TNRC18: variants seen among roughly 807,000 people sequenced by gnomAD.
TNRC18 encodes trinucleotide repeat-containing gene 18 protein.
A neutral mutation model predicts 226.7 loss-of-function variants in TNRC18; 69 were observed. The observed-to-expected ratio is 0.30, with a 90% CI of 0.25 to 0.37. The LOEUF (loss-of-function observed/expected upper bound fraction) is 0.37. Among genes scored for constraint, TNRC18 ranks in the 10% least tolerant of loss-of-function variants. The pLI is 1.00. For missense variants in TNRC18, 4,754 were observed against 4,256.6 expected (o/e 1.12, Z -3.25); for synonymous variants, 2,449 against 1,927.6 (o/e 1.27, Z -7.09).
At chr7:5,420,179 G>C (rs936306572) in intron 2 of TNRC18, 1 of 339,590 alleles carries the variant, frequency 2.9e-6, no homozygotes, top group African/African-American at 2.2e-5. Flanking sequence ...GCGCCCGCCC[G>C]GGTACCGTCC....
At chr7:5,327,374 T>TGTGC (rs1789027143) in intron 19 of TNRC18, among the ~76,000 whole-genome samples, 1 of 22,262 alleles carries the variant, frequency 4.5e-5, no homozygotes, top group Non-Finnish European at 9.1e-5. Flanking sequence ...TGTTTGTGCG[T>TGTGC]GTGTGTGTGT....
At chr7:5,396,717 C>G (rs1780715236) in intron 2 of TNRC18, among the ~76,000 whole-genome samples, 1 of 152,122 alleles carries the variant, frequency 6.6e-6, no homozygotes, top group African/African-American at 2.4e-5. Flanking sequence ...CCTAGAGCTA[C>G]CTCCTTTAAG....
intron 2 of TNRC18, among the ~76,000 whole-genome samples, chr7:5,407,564 T>C (rs1781558744): frequency 6.6e-6 from 1 of 152,234 alleles, no homozygotes. Context: ...TCTGGCTTAA[T>C]TCCAGTCCCT....
At chr7:5,380,573 G>A (rs1302716902) in intron 5 of TNRC18, among the ~76,000 whole-genome samples, 1 of 152,202 alleles carries the variant, frequency 6.6e-6, no homozygotes, top group Non-Finnish European at 1.5e-5. Flanking sequence ...CCCGGCACGG[G>A]GAGAAGCGTG....
chr7:5,421,359 G>T lies in TNRC18; in HGVS notation c.-113C>A. The T allele has an allele frequency of 9.6e-7, 1 of 1,045,284 alleles. No homozygotes were observed. The highest frequency in any genetic ancestry group is 1.2e-6 in the Non-Finnish European group (1 of 825,642). 64.8% of individuals were successfully genotyped at this position (1,045,284 alleles called of 1,614,324 possible). On this transcript the variant is annotated 5_prime_UTR_variant, in exon 2 of 30. Transcript: ENST00000430969. ...AGAGTCCTCGGGCGGCGGGGGCTCC[G>T]CGGCGTGCATGGCGGCGGCCAGCGG...
rs141741190 is a variant in TNRC18 at position 5,404,020 on chromosome 7, T to C, written c.188-9425A>G. ...ACAAGATCCAGAGAGTTCTGTAATA[T>C]CTAAGCCAAAGAATGGGTTAACACT... On this transcript the variant is annotated intron_variant, in intron 2 of 29. Transcript: ENST00000430969. Among the ~76,000 whole-genome samples the C allele has an allele frequency of 5.0e-4, 76 of 152,312 alleles. No individual in the cohort carries two copies. In the Middle Eastern group the frequency reaches 0.01, roughly 20 times the overall value.
chr7:5,401,584 C>G (rs1048096220), intron 2 of TNRC18, among the ~76,000 whole-genome samples: 1 of 152,196 alleles, frequency 6.6e-6, no homozygotes, highest in East Asian at 1.9e-4. Context: ...AGACAGCAAG[C>G]TTTTCTTTGA....
In TNRC18 at chr7:5,332,706, G is replaced by T; in HGVS notation, c.6063C>A (p.Thr2021=). 6.5e-7 allele frequency: 1 copy of T among 1,529,246 alleles called. No homozygotes were observed. The allele number at this position is 1,529,246 out of a possible 1,614,324, so 94.7% of individuals were successfully genotyped here. ...APAPVSTAPA[T]KTSRCAKGGP... is the part of the protein sequence containing the mutation. ...CGCCCTTGGCGCAGCGGCTGGTCTTGGTGGCGGGCGCGGTGCTGACGGGCG... is the reference window on the plus strand; with the variant it reads ...CGCCCTTGGCGCAGCGGCTGGTCTTTGTGGCGGGCGCGGTGCTGACGGGCG... The change falls in exon 19 of 30, where the codon ACC becomes ACA. Residue 2021 remains threonine, a synonymous_variant. Transcript: ENST00000430969.
At chr7:5,390,100 A>G (rs1378380698) in intron 4 of TNRC18, 1 of 370,972 alleles carries the variant, frequency 2.7e-6, no homozygotes, top group Admixed American at 4.6e-5. Flanking sequence ...ACAATGGCTC[A>G]CATCTGTAAT....
rs1786964510 is a variant in TNRC18, at chr7:5,309,486, A to G, written c.8389-118T>C. ...CGGCCTCTAAATCAACCCCTATCCA[A>G]CTGTGGGGAGATGAGGAAGCTCCTT... is the stretch of plus-strand genomic sequence containing the variant. On this transcript the variant is annotated intron_variant, in intron 27 of 29. Transcript: ENST00000430969. The surrounding 1 kb of genome is among the most constrained non-coding windows in gnomAD (Gnocchi z 5.7). 1.2e-6 allele frequency: 1 copy of G among 807,666 alleles called. No individual in the cohort carries two copies. The highest frequency in any genetic ancestry group is 1.9e-6 in the Non-Finnish European group (1 of 516,402). The allele number at this position is 807,666 out of a possible 1,614,324, so 50.0% of individuals were successfully genotyped here.
At position 5,359,334 on chromosome 7, in the gene TNRC18, C is replaced by CTT. The variant is rs1583903961; in HGVS notation, c.4833+62_4833+63dup. On this transcript the variant is annotated intron_variant, in intron 15 of 29. Coordinates refer to ENST00000430969, the MANE Select transcript of TNRC18 (RefSeq NM_001080495.3). ...AGGGCCTGCGAAGGGAGCGTGAACT[C>CTT]TTAACACACCCTCCAGACACCTCCC... 5.7e-6 allele frequency: 9 copies of CTT among 1,575,492 alleles called. No individual in the cohort carries two copies. In the East Asian group the frequency reaches 2.0e-4, roughly 35 times the overall value.
At chr7:5,422,983 C>T (rs1333758532) in intron 1 of TNRC18, 1 of 152,250 alleles carries the variant, frequency 6.6e-6, no homozygotes, top group African/African-American at 2.4e-5. Context: ...GGGTGAAGCC[C>T]CCTGGAACAC....
chr7:5,362,528 C>G, intron 12 of TNRC18, 122 bp downstream of exon 12: 1 of 933,784 alleles, frequency 1.1e-6, no homozygotes, highest in Non-Finnish European at 1.6e-6. Context: ...AGGAGCTGAA[C>G]GTAGCTCAGG....
intron 18 of TNRC18, among the ~76,000 whole-genome samples, chr7:5,343,825 A>G (rs1047126694): frequency 1.3e-5 from 2 of 152,218 alleles, no homozygotes; most frequent in African/African-American, 2.4e-5. Flanking sequence ...GTAATTTTAT[A>G]TGCACTGGGA....
chr7:5,389,112 C>A lies in TNRC18; in HGVS notation c.712G>T (p.Val238Leu). 1.5e-6 allele frequency: 2 copies of A among 1,317,242 alleles called. No homozygotes were observed. Among genetic ancestry groups the A allele is most frequent in the East Asian group, 3.7e-5 (1 of 26,830 alleles). 81.6% of individuals were successfully genotyped at this position (1,317,242 alleles called of 1,614,324 possible). ...CGCGCCTCCTGGGTCAGGTCCACCA[C>A]GCCCCGTGGCCCCGAGGCCTCCTCG... ...RGEEASGPRGVVDLTQEARAE... is the reference protein window; with the variant it reads ...RGEEASGPRGLVDLTQEARAE... Residue 238 changes from valine to leucine, a missense_variant, in exon 5 of 30, where the codon GTG becomes TTG. Coordinates refer to ENST00000430969, the MANE Select transcript of TNRC18 (RefSeq NM_001080495.3).
In TNRC18 at chr7:5,320,352, C is replaced by T. The variant is rs1788219790; in HGVS notation, c.6711G>A (p.Gln2237=). 1 of 1,558,202 alleles carries T rather than the reference C, an allele frequency of 6.4e-7. No homozygotes were observed. The change falls in exon 24 of 30, where the codon CAG becomes CAA. Residue 2237 remains glutamine, a synonymous_variant. Coordinates refer to ENST00000430969, the MANE Select transcript of TNRC18 (RefSeq NM_001080495.3). The stretch of plus-strand genomic sequence containing the variant: ...CAGTGCCTGGGTAGAGACAGCGGTA[C>T]TGCTGGCTCCAGTAGGCTGCAATCC... The part of the protein sequence containing the change: ...GTRIAAYWSQ[Q]YRCLYPGTVV...
chr7:5,397,269 C>A (rs529767590), intron 2 of TNRC18, among the ~76,000 whole-genome samples: 89 of 152,302 alleles, frequency 5.8e-4, no homozygotes, highest in Non-Finnish European at 1.0e-3. Context: ...TAGAAGGCTC[C>A]GGAAGCCAGC....
In TNRC18 at chr7:5,325,204, C is replaced by T. The variant is rs543363249; in HGVS notation, c.6192G>A (p.Pro2064=). Residue 2064 remains proline, a synonymous_variant, in exon 20 of 30, where the codon CCG becomes CCA. Transcript: ENST00000430969. ...CAGAGGGCAAGGCAGGAGCTCGGGG[C>T]GGCGGCAGCCCAGCTCCTGGCCCAG... ...KEAGPGAGLP[P]PRAPALPSEA... 1.4e-5 allele frequency: 21 copies of T among 1,554,150 alleles called. No individual in the cohort carries two copies. The highest frequency in any genetic ancestry group is 6.8e-5 in the African/African-American group (5 of 73,430).
In TNRC18 at chr7:5,389,090, G is replaced by T; in HGVS notation, c.734C>A (p.Ala245Glu). The T allele has an allele frequency of 1.5e-6, 2 of 1,291,494 alleles. No homozygotes were observed. The highest frequency in any genetic ancestry group is 9.9e-7 in the Non-Finnish European group (1 of 1,014,414). 80.0% of individuals were successfully genotyped at this position (1,291,494 alleles called of 1,614,324 possible). Residue 245 changes from alanine (A) to glutamate (E), a missense_variant, in exon 5 of 30, where the codon GCG (alanine) becomes GAG (glutamate). Coordinates refer to ENST00000430969, the MANE Select transcript of TNRC18 (RefSeq NM_001080495.3). ...CCGGTCCTGGCGGCCCTCGGCGCGC[G>T]CCTCCTGGGTCAGGTCCACCACGCC... is the stretch of plus-strand genomic sequence containing the variant. ...PRGVVDLTQE[A>E]RAEGRQDRGP...
Sources: allele counts gnomAD v4.1 joint callset (sites outside exome capture counted in the v4.1 genomes callset), GRCh38; gene constraint gnomAD v4.1.1; non-coding constraint Gnocchi (gnomAD v3.1); transcripts MANE v1.5; gene names NCBI Gene and HGNC (gene_info 2026-07-23, HGNC 2026-07-21).